Variants in CRY1 observed in about 807,000 individuals in gnomAD.
The protein encoded by CRY1 is cryptochrome circadian regulator 1, also known as cryptochrome-1.
CRY1 carries 45 observed loss-of-function variants against 76.0 expected under a neutral mutation model. The ratio of observed to expected loss-of-function variants is 0.59; its 90% CI spans 0.47 to 0.76. The LOEUF (loss-of-function observed/expected upper bound fraction) is 0.76, where lower values mean the gene tolerates loss of function less well. Among genes scored for constraint, CRY1 ranks in the 30% least tolerant of loss-of-function variants. The probability of loss-of-function intolerance (pLI) is 0.00; values close to 1 mark genes in which losing one functional copy is unlikely to be tolerated. For synonymous variants in CRY1, 248 were observed against 244.0 expected (o/e 1.02, Z -0.15); for missense variants, 587 against 716.4 (o/e 0.82, Z 2.06).
At chr12:107,087,337 G>A (rs1371026984) in intron 1 of CRY1, among the ~76,000 whole-genome samples, 1 of 152,166 alleles carries the variant, frequency 6.6e-6, no homozygotes, top group Non-Finnish European at 1.5e-5. Flanking sequence ...GCCTGGAGAA[G>A]TGACAGACAT....
intron 1 of CRY1, among the ~76,000 whole-genome samples, chr12:107,071,850 T>C (rs1189004024): frequency 6.6e-6 from 1 of 152,198 alleles, no homozygotes; most frequent in African/African-American, 2.4e-5. Context: ...TAGGAAAATA[T>C]GCATTAATAG....
intron 1 of CRY1, among the ~76,000 whole-genome samples, chr12:107,030,841 G>T (rs1278952530): frequency 6.6e-6 from 1 of 152,112 alleles, no homozygotes. Context: ...GAATTAATAG[G>T]TGTTGCTTAA....
At chr12:107,031,156 G>A (rs1050220328) in intron 1 of CRY1, among the ~76,000 whole-genome samples, 2 of 152,190 alleles carry the variant, frequency 1.3e-5, no homozygotes, top group African/African-American at 4.8e-5. Flanking sequence ...ATAATTCACC[G>A]GGTTGTCCAA....
chr12:107,013,692 C>T (rs896921216), intron 2 of CRY1, among the ~76,000 whole-genome samples: 6 of 152,214 alleles, frequency 3.9e-5, no homozygotes, highest in Admixed American at 1.3e-4. Flanking sequence ...CACTAGGCCA[C>T]GTGTGGCTTC....
At chr12:107,037,740 ACT>A (rs1280033416) in intron 1 of CRY1, among the ~76,000 whole-genome samples, 1 of 151,826 alleles carries the variant, frequency 6.6e-6, no homozygotes, top group African/African-American at 2.4e-5. Flanking sequence ...AAAGAGTCTC[ACT>A]CTGTTGCCCA....
Position 106,997,646 on chromosome 12 carries a change from T to G in CRY1, c.1334A>C (p.Tyr445Ser). The G allele has an allele frequency of 6.2e-7, 1 of 1,614,134 alleles. No homozygotes were observed. Among genetic ancestry groups the G allele is most frequent in the Non-Finnish European group, 8.5e-7 (1 of 1,179,992 alleles). The change falls in exon 9 of 13, where the codon TAT (tyrosine) becomes TCT (serine). Residue 445 changes from tyrosine (Y) to serine (S), a missense_variant. Transcript: ENST00000008527. ...ACCTTCTGGTGCATTCCAGGGATCATAGATATATTTTGCAGGGAAGCCTCT... is the reference window on the plus strand; with the variant it reads ...ACCTTCTGGTGCATTCCAGGGATCAGAGATATATTTTGCAGGGAAGCCTCT... ...VLRGFPAKYI[Y>S]DPWNAPEGIQ...
At chr12:107,083,684 A>AC (rs1434031203) in intron 1 of CRY1, among the ~76,000 whole-genome samples, 1 of 152,228 alleles carries the variant, frequency 6.6e-6, no homozygotes, top group Non-Finnish European at 1.5e-5. Flanking sequence ...TATTGATGGA[A>AC]CGTTACTCAG....
At chr12:107,045,202 G>A (rs535011770) in intron 1 of CRY1, among the ~76,000 whole-genome samples, 2 of 152,134 alleles carry the variant, frequency 1.3e-5, no homozygotes, top group African/African-American at 4.8e-5. Flanking sequence ...TCACAGGCCA[G>A]GAGAAAATGG....
chr12:107,056,504 G>C (rs1452422402), intron 1 of CRY1, among the ~76,000 whole-genome samples: 1 of 152,068 alleles, frequency 6.6e-6, no homozygotes, highest in Admixed American at 6.5e-5. Context: ...GGCTGCATGT[G>C]GCCCAGGTCA....
In CRY1 at chr12:106,997,922, AG is replaced by A; in HGVS notation, c.1281del (p.Tyr428IlefsTer9). The stretch of plus-strand genomic sequence containing the variant: ...TAATCACCCTTGATTTACCTGATAT[AG>A]TCTCCATTGGGATCTGTTCTCCTAC... ...GFGRRTDPNG[D>X]YIRRYLPVLR... On this transcript the variant is annotated frameshift_variant, in exon 8 of 13. Coordinates refer to ENST00000008527, the MANE Select transcript of CRY1 (RefSeq NM_004075.5). LOFTEE classifies it high-confidence loss of function. 1 of 1,613,642 alleles carries A rather than the reference AG, an allele frequency of 6.2e-7. No individual in the cohort carries two copies. The highest frequency in any genetic ancestry group is 2.2e-5 in the East Asian group (1 of 44,872).
At chr12:107,065,200 A>G (rs768808130) in intron 1 of CRY1, among the ~76,000 whole-genome samples, 1 of 152,158 alleles carries the variant, frequency 6.6e-6, no homozygotes, top group Non-Finnish European at 1.5e-5. Flanking sequence ...GGAATGAGGC[A>G]TGGGAATTGC....
At chr12:107,009,482 T>C (rs1952414593) in intron 2 of CRY1, among the ~76,000 whole-genome samples, 1 of 149,718 alleles carries the variant, frequency 6.7e-6, no homozygotes, top group South Asian at 2.1e-4. Context: ...GACGTTGCAG[T>C]GAGCCAAGGT....
intron 2 of CRY1, among the ~76,000 whole-genome samples, chr12:107,012,308 C>G (rs1952453625): frequency 6.6e-6 from 1 of 152,196 alleles, no homozygotes; most frequent in Non-Finnish European, 1.5e-5. Context: ...TTCTCATTGC[C>G]CATTCTAAAA....
At chr12:107,056,049 G>A (rs116199704) in intron 1 of CRY1, among the ~76,000 whole-genome samples, 1,686 of 152,222 alleles carry the variant, frequency 0.011, 35 homozygotes, top group African/African-American at 0.038. Context: ...AAGCTAAGTC[G>A]AACATATAAT....
At chr12:107,081,272 A>G (rs1953322185) in intron 1 of CRY1, among the ~76,000 whole-genome samples, 1 of 152,102 alleles carries the variant, frequency 6.6e-6, no homozygotes. Flanking sequence ...TTATGAGTTT[A>G]AGATAGACAT....
At chr12:107,005,295 T>C in intron 2 of CRY1, 47 bp from the exon 3 acceptor site, 3 of 1,529,436 alleles carry the variant, frequency 2.0e-6, no homozygotes, top group Non-Finnish European at 2.6e-6. Context: ...GTAATAGTTA[T>C]TTTTTCTATT....
In CRY1 at chr12:106,991,949, G is replaced by C. The variant is rs965520168; in HGVS notation, c.*53C>G. On this transcript the variant is annotated 3_prime_UTR_variant, in exon 13 of 13. Coordinates refer to ENST00000008527, the MANE Select transcript of CRY1 (RefSeq NM_004075.5). ...TATTTTTAAATAACTTAATTGAAAAGTATTGAACTCCCCACCAATTTCAGC... is the reference window on the plus strand; with the variant it reads ...TATTTTTAAATAACTTAATTGAAAACTATTGAACTCCCCACCAATTTCAGC... 10 of 152,246 alleles carry C rather than the reference G, an allele frequency of 6.6e-5. No individual in the cohort carries two copies. The highest frequency in any genetic ancestry group is 8.8e-5 in the Non-Finnish European group (6 of 67,978). The allele number at this position is 152,246 out of a possible 1,614,324, so 9.4% of individuals were successfully genotyped here.
At chr12:107,016,110 G>T (rs564688085) in intron 2 of CRY1, among the ~76,000 whole-genome samples, 7 of 152,260 alleles carry the variant, frequency 4.6e-5, no homozygotes, top group African/African-American at 1.7e-4. Flanking sequence ...AGGACTTCGA[G>T]ACCAGGCTGG....
intron 2 of CRY1, among the ~76,000 whole-genome samples, chr12:107,013,863 T>C (rs1014468444): frequency 2.6e-5 from 4 of 152,356 alleles, no homozygotes; most frequent in African/African-American, 7.2e-5. Flanking sequence ...ATTTTAGATA[T>C]ACTGTGTTGA....
Sources: gnomAD v4.1 joint callset for allele counts (sites outside exome capture counted in the v4.1 genomes callset) on GRCh38, gnomAD v4.1.1 for gene constraint, MANE v1.5 for transcripts, NCBI Gene and HGNC (gene_info 2026-07-23, HGNC 2026-07-21) for gene names.